Variants in PPM1B observed in about 807,000 individuals in gnomAD.
PPM1B encodes protein phosphatase 1B.
A neutral mutation model predicts 43.0 loss-of-function variants in PPM1B; 22 were observed. The ratio of observed to expected loss-of-function variants is 0.51; its 90% confidence interval spans 0.37 to 0.73. The LOEUF is 0.73. PPM1B is among the 30% of genes least tolerant of loss of function. The pLI is 0.00. For missense variants in PPM1B, 632 were observed against 584.2 expected (o/e 1.08, Z -0.84); for synonymous variants, 217 against 197.9 (o/e 1.10, Z -0.81).
chr2:44,221,009 C>A (rs1415913263), intron 5 of PPM1B, among the ~76,000 whole-genome samples: 2 of 152,104 alleles, frequency 1.3e-5, no homozygotes, highest in Non-Finnish European at 2.9e-5. Context: ...AGAGACCAGC[C>A]TTTTGAACAT....
At chr2:44,217,414 A>T (rs185933951) in intron 3 of PPM1B, among the ~76,000 whole-genome samples, 2 of 151,866 alleles carry the variant, frequency 1.3e-5, no homozygotes, top group East Asian at 3.9e-4. Flanking sequence ...AAAAAAAAAA[A>T]GCTGTAGAAT....
At chr2:44,234,517 C>CAAAAAA, downstream of PPM1B, 1 of 674,474 alleles carries the variant, frequency 1.5e-6, no homozygotes, top group African/African-American at 2.7e-5. Flanking sequence ...GACTCCGTCT[C>CAAAAAA]AAAAAAAAAA....
downstream of PPM1B, among the ~76,000 whole-genome samples, chr2:44,235,707 A>T (rs1222391992): frequency 6.6e-6 from 1 of 151,754 alleles, no homozygotes; most frequent in African/African-American, 2.4e-5. Context: ...ACCCGCCTGG[A>T]CAACATAGCA....
chr2:44,213,992 G>C (rs1399966801), intron 3 of PPM1B, among the ~76,000 whole-genome samples: 1 of 152,170 alleles, frequency 6.6e-6, no homozygotes. Flanking sequence ...AGTTTGGTCA[G>C]CTGGCTGTTA....
intron 1 of PPM1B, among the ~76,000 whole-genome samples, chr2:44,183,773 C>T (rs1003280976): frequency 6.6e-6 from 1 of 152,098 alleles, no homozygotes; most frequent in African/African-American, 2.4e-5. Context: ...GAGTCTCGCT[C>T]AGTCGCCCAG....
intron 3 of PPM1B, among the ~76,000 whole-genome samples, chr2:44,211,742 C>CTTTTTTT (rs55716263): frequency 3.8e-5 from 3 of 78,614 alleles, no homozygotes; most frequent in African/African-American, 1.0e-4. Flanking sequence ...CTGATTCTGT[C>CTTTTTTT]TTTTTTTTTT....
chr2:44,183,590 C>A (rs1181953527), intron 1 of PPM1B, among the ~76,000 whole-genome samples: 1 of 152,196 alleles, frequency 6.6e-6, no homozygotes, highest in Admixed American at 6.5e-5. Flanking sequence ...AAAGCTTCAG[C>A]TTCTTTATTA....
At chr2:44,181,560 A>G (rs1210072929) in intron 1 of PPM1B, among the ~76,000 whole-genome samples, 1 of 152,190 alleles carries the variant, frequency 6.6e-6, no homozygotes, top group Non-Finnish European at 1.5e-5. Flanking sequence ...TAAAATTAGG[A>G]TGGTAGGGTG....
intron 5 of PPM1B, among the ~76,000 whole-genome samples, chr2:44,229,007 A>C (rs1265173251): frequency 6.6e-6 from 1 of 151,952 alleles, no homozygotes; most frequent in African/African-American, 2.4e-5. Flanking sequence ...ACATGGAGAA[A>C]CCCTGTCTCT....
At chr2:44,190,536 T>C (rs1668361443) in intron 1 of PPM1B, among the ~76,000 whole-genome samples, 1 of 152,198 alleles carries the variant, frequency 6.6e-6, no homozygotes, top group African/African-American at 2.4e-5. Context: ...GAAGCTTTTC[T>C]CCCCTTTGCT....
Position 44,221,309 on chromosome 2 carries a change from T to G in PPM1B, c.1134+2772T>G, listed in dbSNP as rs1669968210. ...TATGCCTTTCACAATAATCACTAAC[T>G]TAGAAAAATGTTGAACTATAATTGC... On this transcript the variant is annotated intron_variant, in intron 5 of 5. Coordinates refer to ENST00000282412, the MANE Select transcript of PPM1B (RefSeq NM_002706.6). Among the ~76,000 whole-genome samples the G allele has an allele frequency of 2.0e-5, 3 of 152,272 alleles. No homozygotes were observed. In the South Asian group the frequency reaches 6.2e-4, roughly 32 times the overall value.
intron 2 of PPM1B, 110 bp downstream of exon 2, chr2:44,202,155 G>T: frequency 9.0e-7 from 1 of 1,116,736 alleles, no homozygotes; most frequent in Non-Finnish European, 1.2e-6. Flanking sequence ...CACAGAAGCT[G>T]TATATTTTGA....
intron 1 of PPM1B, among the ~76,000 whole-genome samples, chr2:44,170,438 TGTTA>T (rs1458263951): frequency 2.0e-5 from 3 of 152,254 alleles, no homozygotes; most frequent in Non-Finnish European, 4.4e-5. Flanking sequence ...ATTCTTTTTC[TGTTA>T]ACAAACGTTT....
At chr2:44,205,797 A>T (rs1034528072) in intron 2 of PPM1B, among the ~76,000 whole-genome samples, 2 of 152,176 alleles carry the variant, frequency 1.3e-5, no homozygotes, top group African/African-American at 2.4e-5. Context: ...TTAAAACATG[A>T]GATAGTACCT....
intron 1 of PPM1B, among the ~76,000 whole-genome samples, chr2:44,183,344 A>G (rs1667970347): frequency 6.6e-6 from 1 of 152,236 alleles, no homozygotes; most frequent in Non-Finnish European, 1.5e-5. Context: ...TAGATGAGGA[A>G]TATCCACATT....
chr2:44,235,597 C>A (rs1478575817), downstream of PPM1B, among the ~76,000 whole-genome samples: 12 of 109,632 alleles, frequency 1.1e-4, no homozygotes, highest in African/African-American at 3.6e-4. Flanking sequence ...AAGCAAAATT[C>A]CATCTCAAAA....
chr2:44,174,213 C>G lies in PPM1B; in HGVS notation c.-15+4939C>G, dbSNP rs183099118. Among the ~76,000 whole-genome samples the G allele has an allele frequency of 2.0e-5, 3 of 152,228 alleles. No individual in the cohort carries two copies. In the East Asian group the frequency reaches 5.8e-4, roughly 29 times the overall value. Reference sequence around the variant, plus strand: ...TTTTTAGCTTTAAATTGATTCATTTCTTGAAAATTAAAAATCTTAAAGTTT... The same window carrying G: ...TTTTTAGCTTTAAATTGATTCATTTGTTGAAAATTAAAAATCTTAAAGTTT... On this transcript the variant is annotated intron_variant, in intron 1 of 5. Coordinates refer to ENST00000282412, the MANE Select transcript of PPM1B (RefSeq NM_002706.6).
chr2:44,172,839 C>G (rs1420268096), intron 1 of PPM1B, among the ~76,000 whole-genome samples: 1 of 152,122 alleles, frequency 6.6e-6, no homozygotes, highest in Non-Finnish European at 1.5e-5. Context: ...CCAGGGAGGT[C>G]AAAGCTGCAG....
intron 5 of PPM1B, among the ~76,000 whole-genome samples, chr2:44,226,820 T>C (rs1001157675): frequency 6.8e-6 from 1 of 147,700 alleles, no homozygotes; most frequent in Non-Finnish European, 1.5e-5. Flanking sequence ...CTTTGTGATA[T>C]ACCGTAAAGT....
Sources: allele counts gnomAD v4.1 joint callset (sites outside exome capture counted in the v4.1 genomes callset), GRCh38; gene constraint gnomAD v4.1.1; transcripts MANE v1.5; gene names NCBI Gene and HGNC (gene_info 2026-07-23, HGNC 2026-07-21).